The following PARM1 variants were observed in gnomAD, a reference collection of about 807,000 sequenced individuals.
PARM1 encodes the protein prostate androgen-regulated mucin-like protein 1.
PARM1 carries 14 observed loss-of-function variants against 24.6 expected under a neutral mutation model. The observed-to-expected ratio is 0.57, with a 90% confidence interval of 0.38 to 0.89. The LOEUF (loss-of-function observed/expected upper bound fraction) is 0.89, where lower values mean the gene tolerates loss of function less well. PARM1 is among the 40% of genes least tolerant of loss of function. The probability of loss-of-function intolerance (pLI) is 0.00; values close to 1 mark genes in which losing one functional copy is unlikely to be tolerated. For missense variants in PARM1, 362 were observed against 380.4 expected (o/e 0.95, Z 0.40); for synonymous variants, 179 against 156.6 (o/e 1.14, Z -1.07).
At chr4:75,031,802 C>T (rs1315037847) in intron 2 of PARM1, among the ~76,000 whole-genome samples, 1 of 152,172 alleles carries the variant, frequency 6.6e-6, no homozygotes, top group Non-Finnish European at 1.5e-5. Flanking sequence ...CAGTTTTTTA[C>T]ACTGCTCTTA....
At chr4:75,013,765 A>G (rs939097214) in intron 2 of PARM1, among the ~76,000 whole-genome samples, 1 of 152,234 alleles carries the variant, frequency 6.6e-6, no homozygotes, top group Non-Finnish European at 1.5e-5. Flanking sequence ...GGGAAAGACA[A>G]TAAATTTTAC....
At chr4:74,967,721 G>A (rs1397631748) in intron 1 of PARM1, 3 of 152,180 alleles carry the variant, frequency 2.0e-5, no homozygotes, top group African/African-American at 7.2e-5. Context: ...CCAAATACAT[G>A]CCTACCTGTA....
At chr4:74,996,861 C>T (rs1212230640) in intron 1 of PARM1, among the ~76,000 whole-genome samples, 1 of 152,148 alleles carries the variant, frequency 6.6e-6, no homozygotes, top group Non-Finnish European at 1.5e-5. Context: ...ATATGGTGCT[C>T]ATACTTGCTT....
intron 1 of PARM1, among the ~76,000 whole-genome samples, chr4:74,934,987 C>A (rs1307402581): frequency 5.3e-5 from 3 of 56,698 alleles, no homozygotes; most frequent in Non-Finnish European, 6.7e-5. Flanking sequence ...CCCCAAGAAG[C>A]TCTTTTTTCT....
At chr4:75,041,242 C>T (rs997699620) in intron 3 of PARM1, among the ~76,000 whole-genome samples, 9 of 151,980 alleles carry the variant, frequency 5.9e-5, no homozygotes, top group Non-Finnish European at 1.2e-4. Context: ...AAAGAGGAAA[C>T]GATGGAAACA....
chr4:74,948,008 G>C (rs936266828), intron 1 of PARM1, among the ~76,000 whole-genome samples: 11 of 152,278 alleles, frequency 7.2e-5, no homozygotes, highest in Admixed American at 7.2e-4. Flanking sequence ...AAGACTGCTG[G>C]ACGCTTTCAG....
At chr4:74,938,337 C>G (rs994583815) in intron 1 of PARM1, among the ~76,000 whole-genome samples, 1 of 152,178 alleles carries the variant, frequency 6.6e-6, no homozygotes, top group Non-Finnish European at 1.5e-5. Flanking sequence ...TGTCTTAAAT[C>G]TAAATGAAGG....
intron 1 of PARM1, among the ~76,000 whole-genome samples, chr4:74,964,553 G>GCACACACACACACACA (rs35380033): frequency 2.0e-3 from 289 of 143,384 alleles, no homozygotes; most frequent in African/African-American, 7.3e-3. Flanking sequence ...ACCTGGCAAA[G>GCACACACACACACACA]CACACACACA....
chr4:74,941,372 A>G (rs2123198), intron 1 of PARM1, among the ~76,000 whole-genome samples: 147,811 of 152,232 alleles, frequency 0.97, 71,906 homozygotes, highest in East Asian at 1. Flanking sequence ...GTAGGCAGGG[A>G]CAGTGGCTGT....
At chr4:74,979,206 A>G (rs543531283) in intron 1 of PARM1, among the ~76,000 whole-genome samples, 4 of 151,922 alleles carry the variant, frequency 2.6e-5, no homozygotes, top group East Asian at 1.9e-4. Flanking sequence ...TAAAAAAAAT[A>G]TTAAAATAGA....
intron 3 of PARM1, 105 bp downstream of exon 3, chr4:75,034,066 T>C (rs1723325290): frequency 1.1e-6 from 1 of 877,012 alleles, no homozygotes; most frequent in South Asian, 1.7e-5. Context: ...TCTTAGCCCT[T>C]AGAAATATTG....
chr4:74,936,751 G>A (rs1162687149), intron 1 of PARM1, among the ~76,000 whole-genome samples: 2 of 151,996 alleles, frequency 1.3e-5, no homozygotes, highest in Admixed American at 6.6e-5. Flanking sequence ...CACCGCGCCC[G>A]GGCACGTTCA....
chr4:74,935,361 C>G (rs957520382), intron 1 of PARM1, among the ~76,000 whole-genome samples: 1 of 151,780 alleles, frequency 6.6e-6, no homozygotes, highest in Non-Finnish European at 1.5e-5. Flanking sequence ...ATAAATCGTC[C>G]GAAAAAATAA....
intron 1 of PARM1, among the ~76,000 whole-genome samples, chr4:74,951,114 C>G (rs890319082): frequency 5.3e-5 from 8 of 152,224 alleles, no homozygotes; most frequent in African/African-American, 1.9e-4. Flanking sequence ...TCTGGTAACT[C>G]AGCCAGCCTG....
At chr4:74,972,679 A>C (rs2109766016) in intron 1 of PARM1, among the ~76,000 whole-genome samples, 1 of 149,618 alleles carries the variant, frequency 6.7e-6, no homozygotes, top group African/African-American at 2.5e-5. Context: ...GTAAATACAC[A>C]AAGTAGTACT....
At chr4:75,038,587 T>C (rs76031220) in intron 3 of PARM1, among the ~76,000 whole-genome samples, 4,112 of 152,314 alleles carry the variant, frequency 0.027, 81 homozygotes, top group Non-Finnish European at 0.038. Flanking sequence ...CGGTCTTCCA[T>C]GTTCCAGTTT....
chr4:74,953,073 T>C (rs1317732151), intron 1 of PARM1, among the ~76,000 whole-genome samples: 1 of 152,206 alleles, frequency 6.6e-6, no homozygotes, highest in Non-Finnish European at 1.5e-5. Flanking sequence ...ATCATATACA[T>C]CCATTTCTTC....
At chr4:74,973,535 C>T (rs1206588559) in intron 1 of PARM1, among the ~76,000 whole-genome samples, 3 of 138,134 alleles carry the variant, frequency 2.2e-5, no homozygotes, top group Non-Finnish European at 4.6e-5. Context: ...CTTCTGGAGG[C>T]CACTGGAGAG....
intron 1 of PARM1, among the ~76,000 whole-genome samples, chr4:75,009,722 T>A (rs1462834876): frequency 6.6e-6 from 1 of 152,168 alleles, no homozygotes; most frequent in Non-Finnish European, 1.5e-5. Context: ...GGTTAATTCA[T>A]TTTTCTACTC....
Sources: gnomAD v4.1 joint callset for allele counts (sites outside exome capture counted in the v4.1 genomes callset) on GRCh38, gnomAD v4.1.1 for gene constraint, MANE v1.5 for transcripts, NCBI Gene and HGNC (gene_info 2026-07-23, HGNC 2026-07-21) for gene names.